Variants in ACVR2A observed in about 807,000 individuals in gnomAD.
The protein encoded by ACVR2A is activin receptor type-2A.
ACVR2A carries 7 observed loss-of-function variants against 61.4 expected under a neutral mutation model. The ratio of observed to expected loss-of-function variants is 0.11; its 90% confidence interval spans 0.06 to 0.21. ACVR2A has a LOEUF of 0.21. ACVR2A is among the 10% of genes least tolerant of loss of function. The probability of loss-of-function intolerance (pLI) is 1.00; values close to 1 mark genes in which losing one functional copy is unlikely to be tolerated. For missense variants in ACVR2A, 322 were observed against 621.7 expected (o/e 0.52, Z 5.13); for synonymous variants, 193 against 208.3 (o/e 0.93, Z 0.63).
intron 1 of ACVR2A, among the ~76,000 whole-genome samples, chr2:147,871,389 T>A (rs1234848012): frequency 6.6e-6 from 1 of 152,158 alleles, no homozygotes; most frequent in Non-Finnish European, 1.5e-5. Context: ...TTTTAATACC[T>A]AAATTCTAAG....
In ACVR2A at chr2:147,845,040, C is replaced by A. The variant is rs1336919202; in HGVS notation, c.-113C>A. ...TTTTTTTTTTTTTGGTCTGGGCTTC[C>A]GAATATGTTTTATGACGGTTGATTT... On this transcript the variant is annotated 5_prime_UTR_variant, in exon 1 of 11. Transcript: ENST00000241416. The A allele has an allele frequency of 1.1e-5, 2 of 187,548 alleles. No individual in the cohort carries two copies. Among genetic ancestry groups the A allele is most frequent in the Non-Finnish European group, 2.0e-5 (2 of 99,350 alleles). 11.6% of individuals were successfully genotyped at this position (187,548 alleles called of 1,614,324 possible).
chr2:147,903,075 C>G (rs1208790235), intron 4 of ACVR2A: 1 of 151,874 alleles, frequency 6.6e-6, no homozygotes, highest in Non-Finnish European at 1.5e-5. Context: ...TTTATGACAT[C>G]AAATTGTTTA....
intron 10 of ACVR2A, among the ~76,000 whole-genome samples, chr2:147,926,445 G>A (rs538013287): frequency 6.6e-6 from 1 of 151,828 alleles, no homozygotes; most frequent in Non-Finnish European, 1.5e-5. Context: ...TGCCAGACTC[G>A]GAAACTGTGG....
intron 8 of ACVR2A, 35 bp from the exon 9 acceptor site, chr2:147,922,937 TG>T: frequency 6.3e-7 from 1 of 1,585,608 alleles, no homozygotes; most frequent in Non-Finnish European, 8.5e-7. Flanking sequence ...ATAAAGTTAA[TG>T]AATGAGTACT....
intron 2 of ACVR2A, 92 bp downstream of exon 2, chr2:147,896,600 A>G (rs1686738796): frequency 8.1e-7 from 1 of 1,234,396 alleles, no homozygotes; most frequent in Non-Finnish European, 1.2e-6. Context: ...ATAAATTTTC[A>G]CTTAAATGTT....
intron 1 of ACVR2A, among the ~76,000 whole-genome samples, chr2:147,884,364 A>T (rs1283282540): frequency 6.6e-6 from 1 of 152,110 alleles, no homozygotes; most frequent in East Asian, 1.9e-4. Flanking sequence ...ACTGCATGGA[A>T]CTATTTTAAT....
rs990403473 is a variant in ACVR2A at position 147,907,725 on chromosome 2, A to G, written c.529-7466A>G. On this transcript the variant is annotated intron_variant, in intron 4 of 10. Transcript: ENST00000241416. ...TTCAGTAAATAATTAAGTGGAGTCC[A>G]TAAAAAAACCAAAGCAGGGGCTGGG... is the stretch of plus-strand genomic sequence containing the variant. 1.2e-4 allele frequency among the ~76,000 whole-genome samples: 18 copies of G among 152,276 alleles called. No homozygotes were observed. The East Asian group carries it at 1.9e-3, about 16-fold the overall frequency.
At chr2:147,856,073 A>T (rs916560644) in intron 1 of ACVR2A, among the ~76,000 whole-genome samples, 36 of 152,222 alleles carry the variant, frequency 2.4e-4, no homozygotes, top group African/African-American at 8.4e-4. Flanking sequence ...GGCTGAAAGG[A>T]TGAATACTTA....
At chr2:147,857,047 T>C (rs1685596615) in intron 1 of ACVR2A, among the ~76,000 whole-genome samples, 1 of 152,172 alleles carries the variant, frequency 6.6e-6, no homozygotes, top group African/African-American at 2.4e-5. Context: ...TGTCAGGTAC[T>C]ATTTTCTCCA....
At chr2:147,910,231 G>A (rs889296927) in intron 4 of ACVR2A, among the ~76,000 whole-genome samples, 1 of 151,888 alleles carries the variant, frequency 6.6e-6, no homozygotes, top group Non-Finnish European at 1.5e-5. Context: ...AAATGTATTG[G>A]GCAGAGACAT....
rs1687548156 is a variant in ACVR2A, at chr2:147,928,065, G to GT, written c.*792dup. The GT allele has an allele frequency of 6.6e-6, 1 of 152,266 alleles. No individual in the cohort carries two copies. The highest frequency in any genetic ancestry group is 6.6e-5 in the Admixed American group (1 of 15,180). 9.4% of individuals were successfully genotyped at this position (152,266 alleles called of 1,614,324 possible). ...CTGGCTTGTAATGTAGGGAAAAAAA[G>GT]TGCTGTTTTTTGAAAAGATGGTGTC... is the stretch of plus-strand genomic sequence containing the variant. On this transcript the variant is annotated 3_prime_UTR_variant, in exon 11 of 11. Coordinates refer to ENST00000241416, the MANE Select transcript of ACVR2A (RefSeq NM_001616.5).
chr2:147,883,986 C>T lies in ACVR2A; in HGVS notation c.56-12315C>T, dbSNP rs570098661. On this transcript the variant is annotated intron_variant, in intron 1 of 10. Coordinates refer to ENST00000241416, the MANE Select transcript of ACVR2A (RefSeq NM_001616.5). ...AAGTAAAATAAAGCACTAAACAAAC[C>T]CTTAATGTAGGTAGTGTCTTTTCAG... Among the ~76,000 whole-genome samples, 10 of 152,044 alleles carry T rather than the reference C, an allele frequency of 6.6e-5. No individual in the cohort carries two copies. The East Asian group carries it at 9.7e-4, about 15-fold the overall frequency.
intron 1 of ACVR2A, among the ~76,000 whole-genome samples, chr2:147,863,385 A>G (rs1685774021): frequency 6.6e-6 from 1 of 152,190 alleles, no homozygotes; most frequent in African/African-American, 2.4e-5. Context: ...CCCTTGAACA[A>G]CGTGGGGATT....
chr2:147,847,251 G>A (rs886288430), intron 1 of ACVR2A, among the ~76,000 whole-genome samples: 1 of 152,026 alleles, frequency 6.6e-6, no homozygotes, highest in African/African-American at 2.4e-5. Context: ...TGATTCTGTT[G>A]AAGATAATTG....
rs1039137653 is a variant in ACVR2A at position 147,926,910 on chromosome 2, T to G, written c.1348-170T>G. ...ATAGTCTCATGCTTAAAAAAAAAGT[T>G]CTGTTTGTGCTTTTCTTTATGATTC... On this transcript the variant is annotated intron_variant, in intron 10 of 10. Transcript: ENST00000241416. Among the ~76,000 whole-genome samples the G allele has an allele frequency of 9.9e-5, 15 of 151,770 alleles. No homozygotes were observed. The Admixed American group carries it at 9.9e-4, about 10-fold the overall frequency.
At chr2:147,854,781 A>G (rs2105136190) in intron 1 of ACVR2A, among the ~76,000 whole-genome samples, 1 of 152,326 alleles carries the variant, frequency 6.6e-6, no homozygotes, top group South Asian at 2.1e-4. Context: ...TGAACAACAT[A>G]ATTACAGATT....
intron 9 of ACVR2A, among the ~76,000 whole-genome samples, chr2:147,925,000 C>T (rs1270145630): frequency 6.6e-6 from 1 of 151,888 alleles, no homozygotes. Flanking sequence ...TTAGATGACC[C>T]CTTTATGATT....
rs557537929 is a variant in ACVR2A at position 147,912,954 on chromosome 2, A to G, written c.529-2237A>G. On this transcript the variant is annotated intron_variant, in intron 4 of 10. Coordinates refer to ENST00000241416, the MANE Select transcript of ACVR2A (RefSeq NM_001616.5). ...CAATATTTGTTCTGGCTGTTACTAT[A>G]CAATATTGAATAAATTATAGTAGGA... Among the ~76,000 whole-genome samples the G allele has an allele frequency of 7.2e-5, 11 of 151,832 alleles. No homozygotes were observed. The South Asian group carries it at 8.3e-4, about 11-fold the overall frequency.
chr2:147,845,027 T>TTTTTTTTTTTGTTTGG, upstream of ACVR2A: 1 of 241,322 alleles, frequency 4.1e-6, no homozygotes. Context: ...TTTTTTTTTT[T>TTTTTTTTTTTGTTTGG]GGTCTGGGCT....
Sources: allele counts gnomAD v4.1 joint callset (sites outside exome capture counted in the v4.1 genomes callset), GRCh38; gene constraint gnomAD v4.1.1; transcripts MANE v1.5; gene names NCBI Gene and HGNC (gene_info 2026-07-23, HGNC 2026-07-21).